The following LEPROTL1 variants were observed in gnomAD, a reference collection of about 807,000 sequenced individuals.
LEPROTL1 encodes the protein leptin receptor overlapping transcript like 1, also known as leptin receptor overlapping transcript-like 1.
A neutral mutation model predicts 15.4 loss-of-function variants in LEPROTL1; 6 were observed. The observed-to-expected ratio is 0.39, with a 90% CI of 0.21 to 0.77. LEPROTL1 has a LOEUF of 0.77. Ranked by LOEUF, LEPROTL1 falls within the 30% of genes least tolerant of loss-of-function variation. The pLI, the probability that LEPROTL1 is intolerant of heterozygous loss-of-function variation, is 0.41. For missense variants in LEPROTL1, 128 were observed against 158.1 expected (o/e 0.81, Z 1.02); for synonymous variants, 56 against 52.6 (o/e 1.06, Z -0.28).
At chr8:30,096,836 G>C (rs1403064665) in intron 1 of LEPROTL1, among the ~76,000 whole-genome samples, 1 of 152,196 alleles carries the variant, frequency 6.6e-6, no homozygotes, top group Non-Finnish European at 1.5e-5. Context: ...TTTTCTGGTT[G>C]TTATGAGTCA....
At position 30,108,121 on chromosome 8, in the gene LEPROTL1, A is replaced by G. The variant is rs1331289066; in HGVS notation, c.*2259A>G. 9 of 519,692 alleles carry G rather than the reference A, an allele frequency of 1.7e-5. No homozygotes were observed. The highest frequency in any genetic ancestry group is 2.2e-5 in the Non-Finnish European group (9 of 404,736). The allele number at this position is 519,692 out of a possible 1,614,324, so 32.2% of individuals were successfully genotyped here. A position where few individuals can be genotyped will look rare whatever the true frequency, so the allele number is the denominator to read the frequency against. On this transcript the variant is annotated 3_prime_UTR_variant, in exon 4 of 4. Coordinates refer to ENST00000321250, the MANE Select transcript of LEPROTL1 (RefSeq NM_015344.3). ...AATATATGGCACACTTTCATTCTGAAGTGCATTAACATTCTAATAAGGTGA... is the reference window on the plus strand; with the variant it reads ...AATATATGGCACACTTTCATTCTGAGGTGCATTAACATTCTAATAAGGTGA...
chr8:30,102,136 A>T (rs16876449), intron 2 of LEPROTL1, among the ~76,000 whole-genome samples, 163 bp downstream of exon 2: 2,024 of 152,266 alleles, frequency 0.013, 46 homozygotes, highest in East Asian at 0.074. Context: ...GTTTCTAAAG[A>T]TTTTAGGACA....
At chr8:30,123,231 C>T (rs143507210) in intron 3 of LEPROTL1, among the ~76,000 whole-genome samples, 1 of 152,160 alleles carries the variant, frequency 6.6e-6, no homozygotes, top group Admixed American at 6.5e-5. Context: ...TATGACCTAC[C>T]TTAGAAGTCA....
In LEPROTL1 at chr8:30,134,048, C is replaced by T. The variant is rs533732490; in HGVS notation, c.394+1559C>T. Among the ~76,000 whole-genome samples the T allele has an allele frequency of 3.3e-5, 5 of 152,294 alleles. No individual in the cohort carries two copies. In the East Asian group the frequency reaches 7.7e-4, roughly 23 times the overall value. The stretch of plus-strand genomic sequence containing the variant: ...CACTTCCTGCCCAACCACAGACTGA[C>T]ATCACCCTTGTCATTGAGCCTGTAC... On this transcript the variant is annotated intron_variant, in intron 4 of 4. Coordinates refer to the LEPROTL1 transcript ENST00000442880.
In LEPROTL1 at chr8:30,123,173, A is replaced by G. The variant is rs1430392690; in HGVS notation, c.280-9202A>G. On this transcript the variant is annotated intron_variant, in intron 3 of 4. Coordinates refer to the LEPROTL1 transcript ENST00000442880. Reference sequence around the variant, plus strand: ...ATGTGGCTTTCTTACATCCATTCCAAGAGTGTGAATCATCCCAAGAAAACC... The same window carrying G: ...ATGTGGCTTTCTTACATCCATTCCAGGAGTGTGAATCATCCCAAGAAAACC... Among the ~76,000 whole-genome samples, 7 of 152,164 alleles carry G rather than the reference A, an allele frequency of 4.6e-5. No homozygotes were observed. In the East Asian group the frequency reaches 1.3e-3, roughly 29 times the overall value.
At chr8:30,114,443 A>C (rs967241580) in intron 3 of LEPROTL1, among the ~76,000 whole-genome samples, 13 of 151,640 alleles carry the variant, frequency 8.6e-5, no homozygotes, top group African/African-American at 3.2e-4. Flanking sequence ...GGCGCCCACC[A>C]GCACACTCAA....
At position 30,095,471 on chromosome 8, in the gene LEPROTL1, G is replaced by A; in HGVS notation, c.-42G>A. On this transcript the variant is annotated 5_prime_UTR_variant, in exon 1 of 4. Coordinates refer to ENST00000321250, the MANE Select transcript of LEPROTL1 (RefSeq NM_015344.3). Reference sequence around the variant, plus strand: ...GGGTCTCCCGGCTGCCGCTGCTGCCGCCGCCGCCTCGGGTCGTGGAGCCAG... The same window carrying A: ...GGGTCTCCCGGCTGCCGCTGCTGCCACCGCCGCCTCGGGTCGTGGAGCCAG... 1 of 1,465,376 alleles carries A rather than the reference G, an allele frequency of 6.8e-7. No individual in the cohort carries two copies. Among genetic ancestry groups the A allele is most frequent in the Non-Finnish European group, 9.0e-7 (1 of 1,113,120 alleles). 90.8% of individuals were successfully genotyped at this position (1,465,376 alleles called of 1,614,324 possible). A position where few individuals can be genotyped will look rare whatever the true frequency, so the allele number is the denominator to read the frequency against.
intron 1 of LEPROTL1, among the ~76,000 whole-genome samples, chr8:30,098,578 A>C (rs1217165905): frequency 6.6e-6 from 1 of 152,224 alleles, no homozygotes; most frequent in Admixed American, 6.5e-5. Flanking sequence ...TAATGGACTT[A>C]GCTGTCTTAA....
chr8:30,096,455 T>G, intron 1 of LEPROTL1: 1 of 935,490 alleles, frequency 1.1e-6, no homozygotes, highest in Non-Finnish European at 1.3e-6. Flanking sequence ...CTTTGTATTT[T>G]TTCTTCTCTA....
At chr8:30,122,353 C>T (rs1394629138) in intron 3 of LEPROTL1, among the ~76,000 whole-genome samples, 1 of 152,118 alleles carries the variant, frequency 6.6e-6, no homozygotes, top group Non-Finnish European at 1.5e-5. Context: ...ACTATGTTGA[C>T]CAGGCTAGTC....
chr8:30,111,685 A>C (rs16876484), downstream of LEPROTL1, among the ~76,000 whole-genome samples: 1 of 152,196 alleles, frequency 6.6e-6, no homozygotes, highest in Admixed American at 6.5e-5. Flanking sequence ...ATCGAAGCCA[A>C]TTCATCTCCA....
At chr8:30,115,152 G>A (rs1012768590) in intron 3 of LEPROTL1, among the ~76,000 whole-genome samples, 1 of 152,002 alleles carries the variant, frequency 6.6e-6, no homozygotes, top group Admixed American at 6.6e-5. Flanking sequence ...TCCCTGGAGA[G>A]CAGTAGTTCA....
rs541824674 is a variant in LEPROTL1, at chr8:30,137,009, A to AT, written c.395-261dup. On this transcript the variant is annotated intron_variant, in intron 4 of 4. Transcript: ENST00000442880. Reference sequence around the variant, plus strand: ...GGCTGAAAATAGTCTTTACAGGAAAATTAAAAAAAAAAATTCTAGGTATAG... The same window carrying AT: ...GGCTGAAAATAGTCTTTACAGGAAAATTTAAAAAAAAAAATTCTAGGTATAG... 1.5e-3 allele frequency among the ~76,000 whole-genome samples: 229 copies of AT among 152,026 alleles called. 2 individuals carry two copies. The highest frequency in any genetic ancestry group is 5.3e-3 in the African/African-American group (218 of 41,454).
At chr8:30,137,228 A>G in intron 4 of LEPROTL1, 3 of 1,430,610 alleles carry the variant, frequency 2.1e-6, no homozygotes, top group Non-Finnish European at 2.9e-6. Context: ...ATTCATGACA[A>G]CACTTCTCTA....
chr8:30,099,067 C>T (rs1802418799), intron 1 of LEPROTL1, among the ~76,000 whole-genome samples: 1 of 152,186 alleles, frequency 6.6e-6, no homozygotes, highest in East Asian at 1.9e-4. Flanking sequence ...GACTAGCACT[C>T]CCATCCCTTA....
At position 30,106,308 on chromosome 8, in the gene LEPROTL1, A is replaced by G; in HGVS notation, c.*446A>G. ...CATTATTACAAAAAATTATAAAAAT[A>G]AGTTTTCAGTCAGTCAGGATGACAT... On this transcript the variant is annotated 3_prime_UTR_variant, in exon 4 of 4. Coordinates refer to ENST00000321250, the MANE Select transcript of LEPROTL1 (RefSeq NM_015344.3). The G allele has an allele frequency of 1.0e-6, 1 of 986,460 alleles. No individual in the cohort carries two copies. Among genetic ancestry groups the G allele is most frequent in the African/African-American group, 1.7e-5 (1 of 57,322 alleles). The allele number at this position is 986,460 out of a possible 1,614,324, so 61.1% of individuals were successfully genotyped here.
downstream of LEPROTL1, among the ~76,000 whole-genome samples, chr8:30,112,062 TAGG>T (rs1427742876): frequency 6.6e-6 from 1 of 152,106 alleles, no homozygotes; most frequent in East Asian, 1.9e-4. Context: ...ATCACCTGGA[TAGG>T]AGTAAAGGAG....
chr8:30,107,270 G>T lies in LEPROTL1; in HGVS notation c.*1408G>T. On this transcript the variant is annotated 3_prime_UTR_variant, in exon 4 of 4. Coordinates refer to ENST00000321250, the MANE Select transcript of LEPROTL1 (RefSeq NM_015344.3). ...CAAAAAATTCCCAGTAACCAGGCATGATCAATTTATAGTGGTCGTTTACAT... is the reference window on the plus strand; with the variant it reads ...CAAAAAATTCCCAGTAACCAGGCATTATCAATTTATAGTGGTCGTTTACAT... 1.0e-6 allele frequency: 1 copy of T among 985,476 alleles called. No individual in the cohort carries two copies. Among genetic ancestry groups the T allele is most frequent in the Non-Finnish European group, 1.2e-6 (1 of 829,878 alleles). The allele number at this position is 985,476 out of a possible 1,614,324, so 61.0% of individuals were successfully genotyped here. A position where few individuals can be genotyped will look rare whatever the true frequency, so the allele number is the denominator to read the frequency against.
intron 1 of LEPROTL1, chr8:30,096,515 T>C (rs1246756007): frequency 8.2e-6 from 3 of 365,432 alleles, no homozygotes; most frequent in African/African-American, 2.2e-5. Context: ...TACTGTTTCT[T>C]GTTTATTTTC....
Sources: allele counts gnomAD v4.1 joint callset (sites outside exome capture counted in the v4.1 genomes callset), GRCh38; gene constraint gnomAD v4.1.1; transcripts MANE v1.5; gene names NCBI Gene and HGNC (gene_info 2026-07-23, HGNC 2026-07-21).